The following WDR27 variants were observed in gnomAD, a reference collection of about 807,000 sequenced individuals.
WDR27 encodes the protein WD repeat-containing protein 27.
Under a neutral mutation model 114.4 loss-of-function variants are expected in WDR27, and 100 were observed. That is an observed-to-expected ratio of 0.87 (90% CI 0.74 to 1.03). The LOEUF is 1.03. Ranked by LOEUF, WDR27 falls within the 50% of genes least tolerant of loss-of-function variation. The pLI is 0.00. For synonymous variants in WDR27, 449 were observed against 423.1 expected (o/e 1.06, Z -0.75); for missense variants, 1,129 against 1,092.9 (o/e 1.03, Z -0.47).
At chr6:169,511,640 T>C (rs1197959966) in intron 25 of WDR27, among the ~76,000 whole-genome samples, 1 of 152,176 alleles carries the variant, frequency 6.6e-6, no homozygotes, top group Non-Finnish European at 1.5e-5. Flanking sequence ...CATAATATCC[T>C]CAGTTTTCCT....
chr6:169,582,364 G>A lies in WDR27; in HGVS notation c.2523+472C>T, dbSNP rs80256874. Among the ~76,000 whole-genome samples, 464 of 152,208 alleles carry A rather than the reference G, an allele frequency of 3.0e-3. 5 individuals carry two copies. The highest frequency in any genetic ancestry group is 0.011 in the African/African-American group (439 of 41,522). On this transcript the variant is annotated intron_variant, in intron 24 of 25. Coordinates refer to ENST00000448612, the MANE Select transcript of WDR27 (RefSeq NM_182552.5). ...TTTTTATATACAATTGATTTGCAAC[G>A]GTTATTTTCATGTTTTCTTCTAATT...
rs7751599 is a variant in WDR27, at chr6:169,470,577, G to A, written c.2646-12943C>T. Among the ~76,000 whole-genome samples, 1,419 of 152,288 alleles carry A rather than the reference G, an allele frequency of 9.3e-3. 31 individuals carry two copies. The highest frequency in any genetic ancestry group is 0.032 in the African/African-American group (1,313 of 41,554). On this transcript the variant is annotated intron_variant, in intron 25 of 25. Transcript: ENST00000448612. ...TGGTCACATTCTGGTGAGGACTTGCGCGGTTGCCTTCTCACTGTGTCCTCA... is the reference window on the plus strand; with the variant it reads ...TGGTCACATTCTGGTGAGGACTTGCACGGTTGCCTTCTCACTGTGTCCTCA...
At position 169,667,714 on chromosome 6, in the gene WDR27, G is replaced by T. The variant is rs990086623; in HGVS notation, c.660+268C>A. ...ATGCCGTGGAGAAGAATTCGTGCCT[G>T]GGCGCTCCCAGGCCCTGAATGCAGT... On this transcript the variant is annotated intron_variant, in intron 5 of 25. Transcript: ENST00000448612. 2.9e-4 allele frequency among the ~76,000 whole-genome samples: 44 copies of T among 152,334 alleles called. 1 individual carries two copies. The highest frequency in any genetic ancestry group is 1.0e-4 in the Non-Finnish European group (7 of 68,032).
chr6:169,459,634 C>A (rs893214232), intron 25 of WDR27, among the ~76,000 whole-genome samples: 5 of 151,924 alleles, frequency 3.3e-5, no homozygotes, highest in African/African-American at 4.8e-5. Flanking sequence ...AAGTCCCACA[C>A]TGAGACACAT....
At position 169,660,693 on chromosome 6, in the gene WDR27, G is replaced by T. The variant is rs747248013; in HGVS notation, c.1099C>A (p.Leu367Met). The change falls in exon 10 of 26, where the codon CTG (leucine) becomes ATG (methionine). Residue 367 changes from leucine to methionine, a missense_variant. Physicochemically the swap from Leu to Met is conservative, Grantham distance 15. Coordinates refer to ENST00000448612, the MANE Select transcript of WDR27 (RefSeq NM_182552.5). The stretch of plus-strand genomic sequence containing the variant: ...TAATACAAAGCAGCTTCCACTTCCA[G>T]GTTTGCCAGGTTAAATACGAATAAG... ...VGLFVFNLAN[L>M]EVEAALYYKD... The T allele has an allele frequency of 1.5e-5, 24 of 1,613,940 alleles. No homozygotes were observed. The South Asian group carries it at 2.4e-4, about 16-fold the overall frequency.
chr6:169,529,354 T>C (rs1584000546), intron 25 of WDR27, among the ~76,000 whole-genome samples: 1 of 152,022 alleles, frequency 6.6e-6, no homozygotes, highest in African/African-American at 2.4e-5. Flanking sequence ...ATTGTGTTTT[T>C]TCCCTTCGTT....
At chr6:169,427,662 C>CGA in the WDR27 span, among the ~76,000 whole-genome samples, 1 of 152,016 alleles carries the variant, frequency 6.6e-6, no homozygotes, top group Non-Finnish European at 1.5e-5. Context: ...TTGCGTCCCT[C>CGA]GAGTCATTTC....
At chr6:169,570,642 A>G (rs1052089925) in intron 25 of WDR27, among the ~76,000 whole-genome samples, 12 of 152,184 alleles carry the variant, frequency 7.9e-5, no homozygotes, top group African/African-American at 2.7e-4. Context: ...TATCCTGGCC[A>G]ACATAGTGAA....
At chr6:169,676,247 A>C (rs1291059484) in intron 2 of WDR27, among the ~76,000 whole-genome samples, 6 of 152,176 alleles carry the variant, frequency 3.9e-5, no homozygotes, top group Non-Finnish European at 7.3e-5. Context: ...ACTCAGGACT[A>C]AACTCTGACC....
chr6:169,530,027 C>T (rs191330552), intron 25 of WDR27, among the ~76,000 whole-genome samples: 1 of 152,260 alleles, frequency 6.6e-6, no homozygotes, highest in East Asian at 1.9e-4. Context: ...AGAAATTGAG[C>T]AGAACTAAAA....
At chr6:169,473,288 C>T (rs1271486027) in intron 25 of WDR27, among the ~76,000 whole-genome samples, 1 of 152,184 alleles carries the variant, frequency 6.6e-6, no homozygotes, top group East Asian at 1.9e-4. Flanking sequence ...TCCCCAGAGG[C>T]AAGTGCGCTT....
At chr6:169,554,857 CTACA>C (rs1176079276) in intron 25 of WDR27, among the ~76,000 whole-genome samples, 2 of 152,170 alleles carry the variant, frequency 1.3e-5, no homozygotes, top group African/African-American at 4.8e-5. Flanking sequence ...AGTAAATTGA[CTACA>C]TACATTTTGT....
the WDR27 span, among the ~76,000 whole-genome samples, chr6:169,441,132 C>T: frequency 6.6e-6 from 1 of 152,090 alleles, no homozygotes; most frequent in Non-Finnish European, 1.5e-5. Context: ...GAACTTGATG[C>T]TAAACTCCAG....
chr6:169,582,742 T>C (rs1002902806), intron 24 of WDR27, 94 bp downstream of exon 24: 12 of 979,090 alleles, frequency 1.2e-5, no homozygotes, highest in Non-Finnish European at 1.7e-5. Flanking sequence ...TTAAGTATTA[T>C]AAGATTTCAC....
At chr6:169,612,005 G>A (rs972890581) in intron 22 of WDR27, among the ~76,000 whole-genome samples, 2 of 152,108 alleles carry the variant, frequency 1.3e-5, no homozygotes, top group South Asian at 2.1e-4. Flanking sequence ...GCGTGGTGGC[G>A]CATGCCTACA....
At chr6:169,603,697 G>C (rs1332073211) in intron 22 of WDR27, among the ~76,000 whole-genome samples, 1 of 152,146 alleles carries the variant, frequency 6.6e-6, no homozygotes, top group Non-Finnish European at 1.5e-5. Context: ...GGTGATCCAG[G>C]GCCAGGCTCA....
intron 13 of WDR27, among the ~76,000 whole-genome samples, chr6:169,655,714 G>A (rs1359007447): frequency 6.6e-6 from 1 of 152,248 alleles, no homozygotes; most frequent in African/African-American, 2.4e-5. Context: ...GAGCAGGGCA[G>A]AGTTTTTTTT....
chr6:169,488,714 A>G (rs1177567236), intron 25 of WDR27, among the ~76,000 whole-genome samples: 1 of 152,178 alleles, frequency 6.6e-6, no homozygotes, highest in Non-Finnish European at 1.5e-5. Flanking sequence ...CAGGGAGCAA[A>G]TGTAACAAGG....
At chr6:169,580,663 T>C (rs1377054485) in intron 24 of WDR27, among the ~76,000 whole-genome samples, 1 of 152,178 alleles carries the variant, frequency 6.6e-6, no homozygotes, top group Non-Finnish European at 1.5e-5. Context: ...ATTACCAACA[T>C]TGTCCAATCC....
Sources: gnomAD v4.1 joint callset for allele counts (sites outside exome capture counted in the v4.1 genomes callset) on GRCh38, gnomAD v4.1.1 for gene constraint, MANE v1.5 for transcripts, NCBI Gene and HGNC (gene_info 2026-07-23, HGNC 2026-07-21) for gene names.